Variants in GSG1L observed in about 807,000 individuals in gnomAD.
GSG1L encodes the protein GSG1 like.
Under a neutral mutation model 42.1 loss-of-function variants are expected in GSG1L, and 24 were observed. That is an observed-to-expected ratio of 0.57 (90% CI 0.41 to 0.80). The LOEUF is 0.80. Among genes scored for constraint, GSG1L ranks in the 30% least tolerant of loss-of-function variants. The pLI is 0.00. For missense variants in GSG1L, 445 were observed against 472.2 expected (o/e 0.94, Z 0.53); for synonymous variants, 215 against 203.5 (o/e 1.06, Z -0.48).
intron 5 of GSG1L, among the ~76,000 whole-genome samples, chr16:27,810,993 A>AAGTCTTTT (rs372135604): frequency 0.016 from 2,431 of 152,262 alleles, 31 homozygotes; most frequent in Non-Finnish European, 0.023. Context: ...CGGCCCAAAA[A>AAGTCTTTT]AGTCTTTTAA....
At chr16:27,825,496 G>A (rs987892754) in intron 5 of GSG1L, among the ~76,000 whole-genome samples, 2 of 152,140 alleles carry the variant, frequency 1.3e-5, no homozygotes, top group Non-Finnish European at 2.9e-5. Context: ...CCAATAGCAA[G>A]GCCCCCATCT....
chr16:27,816,450 A>T (rs1359080272), intron 5 of GSG1L, among the ~76,000 whole-genome samples: 1 of 152,214 alleles, frequency 6.6e-6, no homozygotes, highest in Non-Finnish European at 1.5e-5. Context: ...GTGCCTAGAA[A>T]GATGGAAGAG....
At chr16:28,017,424 A>T (rs2085793970) in intron 1 of GSG1L, among the ~76,000 whole-genome samples, 1 of 152,244 alleles carries the variant, frequency 6.6e-6, no homozygotes, top group African/African-American at 2.4e-5. Context: ...TTATCTAATG[A>T]AAGTAATACG....
At chr16:27,953,583 G>A (rs9933639) in intron 2 of GSG1L, among the ~76,000 whole-genome samples, 114,453 of 152,042 alleles carry the variant, frequency 0.75, 43,460 homozygotes, top group African/African-American at 0.79. Context: ...AATGCAAAAG[G>A]TATTTAGGAG....
intron 5 of GSG1L, among the ~76,000 whole-genome samples, chr16:27,818,184 A>G (rs1267403916): frequency 6.6e-6 from 1 of 152,218 alleles, no homozygotes; most frequent in Non-Finnish European, 1.5e-5. Context: ...CCATGATCAA[A>G]GAGCCAGCCA....
chr16:27,808,394 G>A (rs2082992726), intron 5 of GSG1L, among the ~76,000 whole-genome samples: 1 of 151,462 alleles, frequency 6.6e-6, no homozygotes, highest in Non-Finnish European at 1.5e-5. Flanking sequence ...GCTCTGGGAA[G>A]CATTTCTTAA....
chr16:28,063,384 GC>G lies in GSG1L; in HGVS notation c.40del (p.Ala14ProfsTer2). The G allele has an allele frequency of 7.2e-7, 1 of 1,381,002 alleles. No individual in the cohort carries two copies. Among genetic ancestry groups the G allele is most frequent in the Non-Finnish European group, 9.4e-7 (1 of 1,058,316 alleles). The allele number at this position is 1,381,002 out of a possible 1,614,324, so 85.5% of individuals were successfully genotyped here. ...GAACAGCAGCGCCAGCAGGTTCAGG[GC>G]CACGGCCAGGAGCGCTCGGCCGCGG... is the stretch of plus-strand genomic sequence containing the variant. ...SRRGRALLAV[A>X]LNLLALLFAT... On this transcript the variant is annotated frameshift_variant, in exon 1 of 7. Transcript: ENST00000447459. LOFTEE classifies it high-confidence loss of function. This position sits in a 1 kb window ranked among gnomAD's most constrained non-coding sequence, Gnocchi z 5.8.
chr16:27,811,805 T>C (rs2083034799), intron 5 of GSG1L, among the ~76,000 whole-genome samples: 2 of 152,268 alleles, frequency 1.3e-5, no homozygotes, highest in African/African-American at 4.8e-5. Context: ...TGTGCCACCA[T>C]GTTTGGTTAT....
At chr16:27,992,585 C>T (rs1010926976) in intron 1 of GSG1L, among the ~76,000 whole-genome samples, 2 of 152,132 alleles carry the variant, frequency 1.3e-5, no homozygotes, top group African/African-American at 4.8e-5. Context: ...TTACTAAGTT[C>T]CTATTAAATT....
At chr16:27,911,033 C>A (rs1191255992) in intron 2 of GSG1L, among the ~76,000 whole-genome samples, 1 of 151,746 alleles carries the variant, frequency 6.6e-6, no homozygotes, top group Non-Finnish European at 1.5e-5. Context: ...ACAACAACAA[C>A]AAAAATACAA....
chr16:27,950,892 C>T (rs1444167134), intron 2 of GSG1L, among the ~76,000 whole-genome samples: 1 of 152,144 alleles, frequency 6.6e-6, no homozygotes, highest in Non-Finnish European at 1.5e-5. Flanking sequence ...CATGGCGCTC[C>T]TCCACTCAAT....
intron 2 of GSG1L, among the ~76,000 whole-genome samples, chr16:27,893,329 C>T (rs910843514): frequency 2.0e-5 from 3 of 152,108 alleles, no homozygotes; most frequent in Non-Finnish European, 4.4e-5. Flanking sequence ...GCTGAGAGAG[C>T]TTCCAGGGCC....
intron 5 of GSG1L, among the ~76,000 whole-genome samples, chr16:27,824,639 TC>T (rs2083188854): frequency 1.3e-5 from 2 of 152,192 alleles, no homozygotes; most frequent in Admixed American, 1.3e-4. Context: ...TTGATGAACC[TC>T]TGCATAATGT....
chr16:28,032,672 C>T (rs576567475), intron 1 of GSG1L, among the ~76,000 whole-genome samples: 2 of 152,200 alleles, frequency 1.3e-5, no homozygotes, highest in Non-Finnish European at 2.9e-5. Context: ...AAACCTCTTC[C>T]CACCTCAGTC....
chr16:28,042,424 A>G (rs1167119221), intron 1 of GSG1L, among the ~76,000 whole-genome samples: 2 of 129,756 alleles, frequency 1.5e-5, no homozygotes, highest in African/African-American at 6.4e-5. Flanking sequence ...CAACAGAGCG[A>G]AACTCCATCT....
chr16:28,004,316 G>A (rs571620935), intron 1 of GSG1L, among the ~76,000 whole-genome samples: 141 of 152,294 alleles, frequency 9.3e-4, no homozygotes, highest in African/African-American at 3.3e-3. Flanking sequence ...TTGCAAAGGG[G>A]TGTCCTGGGA....
chr16:28,004,398 T>G (rs1471939532), intron 1 of GSG1L, among the ~76,000 whole-genome samples: 3 of 145,796 alleles, frequency 2.1e-5, no homozygotes, highest in Admixed American at 7.0e-5. Flanking sequence ...CAATAGGAGC[T>G]GAGGGCCAGA....
At position 27,790,226 on chromosome 16, in the gene GSG1L, A is replaced by T. The variant is rs887063577; in HGVS notation, c.*1144T>A. On this transcript the variant is annotated 3_prime_UTR_variant, in exon 7 of 7. Coordinates refer to ENST00000447459, the MANE Select transcript of GSG1L (RefSeq NM_001109763.2). ...AGATGGACGAATGATGAATGGATGG[A>T]TGGATAATGGATAATGGCTGGATGA... 2 of 152,028 alleles carry T rather than the reference A, an allele frequency of 1.3e-5. No individual in the cohort carries two copies. Among genetic ancestry groups the T allele is most frequent in the Non-Finnish European group, 2.9e-5 (2 of 68,002 alleles). The allele number at this position is 152,028 out of a possible 1,614,324, so 9.4% of individuals were successfully genotyped here. A position where few individuals can be genotyped will look rare whatever the true frequency, so the allele number is the denominator to read the frequency against.
chr16:27,888,201 G>A, intron 2 of GSG1L: 1 of 839,494 alleles, frequency 1.2e-6, no homozygotes, highest in African/African-American at 1.8e-5. Flanking sequence ...GTTCAACCCT[G>A]CCCACGTGGG....
Sources: gnomAD v4.1 joint callset for allele counts (sites outside exome capture counted in the v4.1 genomes callset) on GRCh38, gnomAD v4.1.1 for gene constraint, Gnocchi (gnomAD v3.1) non-coding constraint, MANE v1.5 for transcripts, NCBI Gene and HGNC (gene_info 2026-07-23, HGNC 2026-07-21) for gene names.